SORCS2: variants seen among roughly 807,000 people sequenced by gnomAD.
The protein encoded by SORCS2 is VPS10 domain-containing receptor SorCS2.
SORCS2 carries 100 observed loss-of-function variants against 141.6 expected under a neutral mutation model. The observed-to-expected ratio is 0.71, with a 90% CI of 0.60 to 0.83. The LOEUF is 0.83. Ranked by LOEUF, SORCS2 falls within the 40% of genes least tolerant of loss-of-function variation. The probability of loss-of-function intolerance (pLI) is 0.00; values close to 1 mark genes in which losing one functional copy is unlikely to be tolerated. For missense variants in SORCS2, 1,646 were observed against 1,560.2 expected, an observed-to-expected ratio of 1.05 and a Z score of -0.93; for synonymous variants, 789 against 676.9, an observed-to-expected ratio of 1.17 and a Z score of -2.57.
At chr4:7,489,322 C>T (rs1020130320) in intron 2 of SORCS2, among the ~76,000 whole-genome samples, 1 of 152,208 alleles carries the variant, frequency 6.6e-6, no homozygotes, top group Non-Finnish European at 1.5e-5. Context: ...ACCCTAAACC[C>T]ACTTCCTAAT....
chr4:7,349,496 A>G (rs1040378327), intron 1 of SORCS2, among the ~76,000 whole-genome samples: 4 of 152,006 alleles, frequency 2.6e-5, no homozygotes, highest in Non-Finnish European at 5.9e-5. Context: ...CCAGGAGGTC[A>G]CCGGGTCATG....
At chr4:7,483,205 C>T (rs1457114079) in intron 2 of SORCS2, among the ~76,000 whole-genome samples, 1 of 151,844 alleles carries the variant, frequency 6.6e-6, no homozygotes, top group African/African-American at 2.4e-5. Flanking sequence ...CACCTGTAGT[C>T]CCAGCTACTC....
intron 1 of SORCS2, among the ~76,000 whole-genome samples, chr4:7,269,342 A>G (rs77358986): frequency 6.2e-4 from 95 of 152,356 alleles, no homozygotes; most frequent in Non-Finnish European, 1.3e-3. Context: ...CGGTTGCACC[A>G]TGACATGCGG....
At chr4:7,279,682 G>T (rs910120605) in intron 1 of SORCS2, among the ~76,000 whole-genome samples, 2 of 152,222 alleles carry the variant, frequency 1.3e-5, no homozygotes, top group African/African-American at 4.8e-5. Flanking sequence ...GTGTCCAGCC[G>T]CGGAATTACA....
chr4:7,676,368 G>A, intron 9 of SORCS2, 139 bp downstream of exon 9: 1 of 890,986 alleles, frequency 1.1e-6, no homozygotes, highest in South Asian at 1.8e-5. Flanking sequence ...TCTGTACACA[G>A]CCAAATATTT....
At chr4:7,433,859 C>T in intron 2 of SORCS2, 1 of 1,613,896 alleles carries the variant, frequency 6.2e-7, no homozygotes, top group Admixed American at 1.7e-5. Flanking sequence ...CTGTAGGTGT[C>T]CACCAAGATG....
intron 1 of SORCS2, among the ~76,000 whole-genome samples, chr4:7,254,612 C>A (rs982387327): frequency 2.6e-5 from 4 of 152,004 alleles, no homozygotes; most frequent in Admixed American, 1.3e-4. Flanking sequence ...ATGTGTATAA[C>A]AAAATTGCAC....
intron 14 of SORCS2, among the ~76,000 whole-genome samples, chr4:7,712,493 C>G (rs1417433639): frequency 3.9e-5 from 6 of 152,232 alleles, no homozygotes; most frequent in African/African-American, 7.2e-5. Flanking sequence ...GTGCAATTGA[C>G]AAGTCATAGA....
intron 1 of SORCS2, among the ~76,000 whole-genome samples, chr4:7,314,836 G>A (rs879285794): frequency 9.6e-6 from 1 of 104,510 alleles, no homozygotes; most frequent in African/African-American, 3.6e-5. Context: ...TTTTATTGTT[G>A]TTGTTGTTTT....
chr4:7,689,906 C>T (rs1245205742), intron 11 of SORCS2, among the ~76,000 whole-genome samples: 2 of 139,956 alleles, frequency 1.4e-5, no homozygotes, highest in Non-Finnish European at 3.2e-5. Flanking sequence ...TGATGGCTGG[C>T]TGGATGATGG....
Position 7,654,125 on chromosome 4 carries a change from G to A in SORCS2, c.814-9G>A. On this transcript the variant is annotated splice_polypyrimidine_tract_variant and intron_variant, in intron 4 of 26. Transcript: ENST00000507866. ...GACCAAGCTTTTGTTTCTTTTTTCTGCCCTAAAGCTCTACGTGTCATCTGA... is the reference window on the plus strand; with the variant it reads ...GACCAAGCTTTTGTTTCTTTTTTCTACCCTAAAGCTCTACGTGTCATCTGA... 6.4e-7 allele frequency: 1 copy of A among 1,567,490 alleles called. No homozygotes were observed. Among genetic ancestry groups the A allele is most frequent in the Non-Finnish European group, 8.7e-7 (1 of 1,154,668 alleles).
Position 7,667,228 on chromosome 4 carries a change from A to G in SORCS2, c.1161+15A>G. The G allele has an allele frequency of 1.2e-6, 2 of 1,612,068 alleles. No individual in the cohort carries two copies. Among genetic ancestry groups the G allele is most frequent in the African/African-American group, 1.3e-5 (1 of 75,034 alleles). Reference sequence around the variant, plus strand: ...CATTGCCAAAGGTAAGGTGCTCCCCATTCCGCCTGGTCCTGTGGCCAGACC... The same window carrying G: ...CATTGCCAAAGGTAAGGTGCTCCCCGTTCCGCCTGGTCCTGTGGCCAGACC... On this transcript the variant is annotated intron_variant, in intron 8 of 26. Transcript: ENST00000507866.
intron 1 of SORCS2, among the ~76,000 whole-genome samples, chr4:7,229,499 C>T (rs58332502): frequency 0.035 from 5,316 of 152,304 alleles, 314 homozygotes; most frequent in East Asian, 0.27. Flanking sequence ...GGAGAGTCCA[C>T]GCTGGAGAGC....
chr4:7,664,203 C>T lies in SORCS2; in HGVS notation c.953-150C>T, dbSNP rs914459604. 6.1e-5 allele frequency: 37 copies of T among 607,852 alleles called. No individual in the cohort carries two copies. Among genetic ancestry groups the T allele is most frequent in the Non-Finnish European group, 1.0e-4 (35 of 348,488 alleles). The allele number at this position is 607,852 out of a possible 1,614,324, so 37.7% of individuals were successfully genotyped here. On this transcript the variant is annotated intron_variant, in intron 6 of 26. Coordinates refer to ENST00000507866, the MANE Select transcript of SORCS2 (RefSeq NM_020777.3). This position sits in a 1 kb window ranked among gnomAD's most constrained non-coding sequence, Gnocchi z 4.7. ...AGTGAGCGAGGATGACACCCTCAGC[C>T]GCAGGTGTCATCACGGTGGCCTTTA...
At chr4:7,671,590 G>A (rs534637608) in intron 8 of SORCS2, among the ~76,000 whole-genome samples, 24 of 152,254 alleles carry the variant, frequency 1.6e-4, no homozygotes, top group Middle Eastern at 3.4e-3. Context: ...AGAGGGATTC[G>A]AAAGCAGAAT....
intron 2 of SORCS2, among the ~76,000 whole-genome samples, chr4:7,514,781 T>C: frequency 6.6e-6 from 1 of 152,276 alleles, no homozygotes; most frequent in Non-Finnish European, 1.5e-5. Flanking sequence ...GTCAGTCACG[T>C]AGGCCCATGT....
intron 1 of SORCS2, among the ~76,000 whole-genome samples, chr4:7,254,064 C>T (rs1283738657): frequency 2.6e-5 from 4 of 152,168 alleles, no homozygotes; most frequent in Non-Finnish European, 4.4e-5. Flanking sequence ...AACTCTTAGG[C>T]ACCGTTGGTG....
At chr4:7,637,925 C>A (rs1720376542) in intron 3 of SORCS2, among the ~76,000 whole-genome samples, 1 of 151,798 alleles carries the variant, frequency 6.6e-6, no homozygotes, top group African/African-American at 2.4e-5. Context: ...TTCTGGGCAC[C>A]CCTCCCTGGT....
chr4:7,204,945 T>G (rs893804755), intron 1 of SORCS2, among the ~76,000 whole-genome samples: 1 of 152,236 alleles, frequency 6.6e-6, no homozygotes, highest in African/African-American at 2.4e-5. Flanking sequence ...AGCCCATTTC[T>G]CTTCCTCCTC....
Sources: allele counts gnomAD v4.1 joint callset (sites outside exome capture counted in the v4.1 genomes callset), GRCh38; gene constraint gnomAD v4.1.1; non-coding constraint Gnocchi (gnomAD v3.1); transcripts MANE v1.5; gene names NCBI Gene and HGNC (gene_info 2026-07-23, HGNC 2026-07-21).